The following NSUN2 variants were observed in gnomAD, a reference collection of about 807,000 sequenced individuals.
NSUN2 encodes RNA cytosine C(5)-methyltransferase NSUN2.
In NSUN2, 63 loss-of-function variants were observed where a neutral mutation model predicts 92.7. That is an observed-to-expected ratio of 0.68 (90% CI 0.56 to 0.84). NSUN2 has a LOEUF of 0.84. NSUN2 is among the 40% of genes least tolerant of loss of function. The probability of loss-of-function intolerance (pLI) is 0.00; values close to 1 mark genes in which losing one functional copy is unlikely to be tolerated. For synonymous variants in NSUN2, 356 were observed against 348.3 expected, an observed-to-expected ratio of 1.02 and a Z score of -0.25; for missense variants, 989 against 964.9, an observed-to-expected ratio of 1.02 and a Z score of -0.33.
At chr5:6,608,801 G>A (rs1052166814) in intron 12 of NSUN2, among the ~76,000 whole-genome samples, 2 of 152,196 alleles carry the variant, frequency 1.3e-5, no homozygotes, top group East Asian at 1.9e-4. Context: ...TGTGACAAGC[G>A]CAAAGTCTAA....
chr5:6,603,124 A>G (rs1389484041), intron 17 of NSUN2, among the ~76,000 whole-genome samples: 1 of 152,240 alleles, frequency 6.6e-6, no homozygotes, highest in African/African-American at 2.4e-5. Context: ...CAAAAATATT[A>G]AACAGCAAGT....
In NSUN2 at chr5:6,623,290, A is replaced by G. The variant is rs754169269; in HGVS notation, c.466-5T>C. 1 of 1,547,264 alleles carries G rather than the reference A, an allele frequency of 6.5e-7. No individual in the cohort carries two copies. Among genetic ancestry groups the G allele is most frequent in the Middle Eastern group, 2.1e-4 (1 of 4,876 alleles). Reference sequence around the variant, plus strand: ...TTCTTGACGACTAATATTTCCCTTGAGGAAAAAAAAAAAATCAGCAACAAT... The same window carrying G: ...TTCTTGACGACTAATATTTCCCTTGGGGAAAAAAAAAAAATCAGCAACAAT... On this transcript the variant is annotated splice_region_variant and splice_polypyrimidine_tract_variant and intron_variant, in intron 4 of 18. Transcript: ENST00000264670.
chr5:6,615,263 C>T (rs1486302833), intron 9 of NSUN2, among the ~76,000 whole-genome samples: 2 of 152,186 alleles, frequency 1.3e-5, no homozygotes, highest in African/African-American at 4.8e-5. Context: ...TTTTCTTTCT[C>T]AGGGATCTGA....
At position 6,602,446 on chromosome 5, in the gene NSUN2, C is replaced by T. The variant is rs62332889; in HGVS notation, c.1997+15G>A. On this transcript the variant is annotated intron_variant, in intron 18 of 18. Transcript: ENST00000264670. ...AAGGCGTGTGTGTCTAAGGGCAGGG[C>T]GTGTACTGACTTACGCAGAATCTGG... 5.6e-6 allele frequency: 9 copies of T among 1,612,976 alleles called. No individual in the cohort carries two copies. Among genetic ancestry groups the T allele is most frequent in the African/African-American group, 1.3e-5 (1 of 74,866 alleles).
chr5:6,600,354 A>C, intron 18 of NSUN2, 122 bp from the exon 19 acceptor site: 4 of 854,488 alleles, frequency 4.7e-6, no homozygotes, highest in Non-Finnish European at 7.1e-6. Flanking sequence ...AAAACCCCCA[A>C]AACTACTGGG....
intron 14 of NSUN2, among the ~76,000 whole-genome samples, chr5:6,605,987 T>C (rs1234625026): frequency 6.6e-6 from 1 of 152,166 alleles, no homozygotes; most frequent in Non-Finnish European, 1.5e-5. Context: ...AGACTTATTT[T>C]TTAATAGACT....
chr5:6,623,290 A>AT lies in NSUN2; in HGVS notation c.466-6_466-5insA. 6.5e-7 allele frequency: 1 copy of AT among 1,547,262 alleles called. No individual in the cohort carries two copies. Among genetic ancestry groups the AT allele is most frequent in the Admixed American group, 2.2e-5 (1 of 46,436 alleles). ...TTCTTGACGACTAATATTTCCCTTG[A>AT]GGAAAAAAAAAAAATCAGCAACAAT... On this transcript the variant is annotated splice_polypyrimidine_tract_variant and splice_region_variant and intron_variant, in intron 4 of 18. Transcript: ENST00000264670.
At chr5:6,611,869 AC>A (rs1380733151) in intron 9 of NSUN2, 71 bp from the exon 10 acceptor site, 24 of 1,334,366 alleles carry the variant, frequency 1.8e-5, no homozygotes, top group Non-Finnish European at 1.5e-5. Context: ...AGTGAAAAAA[AC>A]CAGACACAGA....
At chr5:6,628,683 G>A (rs1381352539) in intron 3 of NSUN2, among the ~76,000 whole-genome samples, 4 of 152,216 alleles carry the variant, frequency 2.6e-5, no homozygotes, top group African/African-American at 9.6e-5. Context: ...CTTGCTGAGA[G>A]ATTTAGTACC....
intron 8 of NSUN2, 64 bp downstream of exon 8, chr5:6,617,886 A>G (rs955454980): frequency 1.3e-5 from 17 of 1,294,022 alleles, no homozygotes; most frequent in African/African-American, 7.4e-5. Flanking sequence ...GCTCACTTGC[A>G]TAACAATAAA....
intron 3 of NSUN2, among the ~76,000 whole-genome samples, chr5:6,631,189 T>C (rs1270808817): frequency 6.6e-6 from 1 of 152,218 alleles, no homozygotes; most frequent in African/African-American, 2.4e-5. Context: ...TAATAACGAC[T>C]TTCCCACTTA....
chr5:6,613,103 T>C (rs2126485596), intron 9 of NSUN2, among the ~76,000 whole-genome samples: 1 of 152,324 alleles, frequency 6.6e-6, no homozygotes, highest in East Asian at 1.9e-4. Context: ...GACATCATAC[T>C]GTACACAGGT....
Position 6,632,699 on chromosome 5 carries a change from A to C in NSUN2, c.154T>G (p.Tyr52Asp). 1 of 1,614,134 alleles carries C rather than the reference A, an allele frequency of 6.2e-7. No individual in the cohort carries two copies. Among genetic ancestry groups the C allele is most frequent in the South Asian group, 1.1e-5 (1 of 91,082 alleles). The change falls in exon 2 of 19, where the codon TAC (tyrosine) becomes GAC (aspartate). Residue 52 changes from tyrosine (Y) to aspartate (D), a missense_variant. Tyr to Asp is a radical substitution (Grantham distance 160, BLOSUM62 -3). Transcript: ENST00000264670. Reference protein sequence around the residue: ...VKENKLFEHYYQELKIVPEGE... With the variant: ...VKENKLFEHYDQELKIVPEGE... ...TCGGGCACGATCTTGAGCTCCTGGT[A>C]GTAGTGCTCGAACAGCTTGTTCTCC...
intron 18 of NSUN2, among the ~76,000 whole-genome samples, 154 bp from the exon 19 acceptor site, chr5:6,600,386 AG>A (rs1560968968): frequency 1.0e-4 from 2 of 19,112 alleles, no homozygotes; most frequent in Admixed American, 4.2e-4. Flanking sequence ...TCTGGATCCG[AG>A]GGGTAGGTTT....
chr5:6,614,095 G>GAAA (rs70937111), intron 9 of NSUN2, among the ~76,000 whole-genome samples: 1 of 34,654 alleles, frequency 2.9e-5, no homozygotes, highest in Non-Finnish European at 5.4e-5. Flanking sequence ...GACTGTCTCG[G>GAAA]AAAAAAAAAA....
intron 4 of NSUN2, among the ~76,000 whole-genome samples, chr5:6,623,873 G>A (rs955762891): frequency 6.6e-5 from 10 of 151,948 alleles, no homozygotes; most frequent in African/African-American, 2.2e-4. Flanking sequence ...TTCTCTAGTC[G>A]GCCAGGACAT....
At chr5:6,612,442 G>A (rs375551742) in intron 9 of NSUN2, among the ~76,000 whole-genome samples, 2 of 152,256 alleles carry the variant, frequency 1.3e-5, no homozygotes, top group Non-Finnish European at 1.5e-5. Flanking sequence ...AAAACAATGC[G>A]ATAAGAGCTG....
At chr5:6,631,796 G>A in intron 3 of NSUN2, 77 bp downstream of exon 3, 2 of 1,105,110 alleles carry the variant, frequency 1.8e-6, no homozygotes, top group Non-Finnish European at 2.7e-6. Flanking sequence ...AGCAAATGCA[G>A]TACCAAGAAA....
Position 6,632,597 on chromosome 5 carries a change from A to G in NSUN2, c.254+2T>C. 6.2e-7 allele frequency: 1 copy of G among 1,613,438 alleles called. No individual in the cohort carries two copies. Among genetic ancestry groups the G allele is most frequent in the Non-Finnish European group, 8.5e-7 (1 of 1,179,706 alleles). On this transcript the variant is annotated splice_donor_variant, in intron 2 of 18. Coordinates refer to ENST00000264670, the MANE Select transcript of NSUN2 (RefSeq NM_017755.6). LOFTEE classifies it high-confidence loss of function. Reference sequence around the variant, plus strand: ...CCAAAAAATCAGGCACTGCCTCCCTACCTTTTGTAACCAGTAATTCTTAAA... The same window carrying G: ...CCAAAAAATCAGGCACTGCCTCCCTGCCTTTTGTAACCAGTAATTCTTAAA...
Sources: allele counts gnomAD v4.1 joint callset (sites outside exome capture counted in the v4.1 genomes callset), GRCh38; gene constraint gnomAD v4.1.1; transcripts MANE v1.5; gene names NCBI Gene and HGNC (gene_info 2026-07-23, HGNC 2026-07-21).